The following GPRC5B variants were observed in gnomAD, a reference collection of about 807,000 sequenced individuals.
GPRC5B encodes the protein G protein-coupled receptor family C group 5 member B.
A neutral mutation model predicts 30.1 loss-of-function variants in GPRC5B; 16 were observed. The ratio of observed to expected loss-of-function variants is 0.53; its 90% CI spans 0.36 to 0.81. GPRC5B has a LOEUF of 0.81. GPRC5B is among the 30% of genes least tolerant of loss of function. The probability of loss-of-function intolerance (pLI) is 0.01; values close to 1 mark genes in which losing one functional copy is unlikely to be tolerated. For synonymous variants in GPRC5B, 241 were observed against 239.5 expected, an observed-to-expected ratio of 1.01 and a Z score of -0.06; for missense variants, 428 against 544.7, an observed-to-expected ratio of 0.79 and a Z score of 2.13.
chr16:19,861,342 T>C (rs879415506), intron 3 of GPRC5B, among the ~76,000 whole-genome samples: 1 of 152,210 alleles, frequency 6.6e-6, no homozygotes, highest in South Asian at 2.1e-4. Context: ...CATCAGATAG[T>C]AGTAAACCTG....
chr16:19,873,864 T>C (rs1018039670), intron 1 of GPRC5B, among the ~76,000 whole-genome samples: 2 of 152,066 alleles, frequency 1.3e-5, no homozygotes, highest in Admixed American at 6.5e-5. Context: ...CTACAGCCTC[T>C]GATTCCCCAG....
At chr16:19,881,243 T>C (rs72771023) in intron 1 of GPRC5B, among the ~76,000 whole-genome samples, 16,074 of 152,134 alleles carry the variant, frequency 0.11, 986 homozygotes, top group Non-Finnish European at 0.14. Flanking sequence ...GGGATAATGA[T>C]AGCGCTGCCT....
intron 2 of GPRC5B, among the ~76,000 whole-genome samples, chr16:19,871,516 G>A (rs957130677): frequency 1.3e-5 from 2 of 152,146 alleles, no homozygotes; most frequent in Non-Finnish European, 2.9e-5. Flanking sequence ...CAGCTACTTG[G>A]GAGGCTGAGA....
chr16:19,874,277 G>C (rs552677243), intron 1 of GPRC5B, among the ~76,000 whole-genome samples: 136 of 152,172 alleles, frequency 8.9e-4, no homozygotes, highest in African/African-American at 3.1e-3. Context: ...CCTAACCCAA[G>C]TCTCCTCTTG....
intron 2 of GPRC5B, among the ~76,000 whole-genome samples, chr16:19,869,523 T>G (rs895756099): frequency 8.6e-5 from 13 of 151,946 alleles, no homozygotes; most frequent in Non-Finnish European, 1.8e-4. Flanking sequence ...CTTCAAGTAA[T>G]GATTCTACGA....
rs2056837870 is a variant in GPRC5B at position 19,884,774 on chromosome 16, C to G, written c.-49G>C. 4.1e-6 allele frequency: 4 copies of G among 984,754 alleles called. No individual in the cohort carries two copies. Among genetic ancestry groups the G allele is most frequent in the Non-Finnish European group, 4.8e-6 (4 of 829,666 alleles). 61.0% of individuals were successfully genotyped at this position (984,754 alleles called of 1,614,324 possible). ...CCGACGCTCCAGCTGGCCTTCGGCC[C>G]GAGTCACATCTCTGCGGCGCGGCCG... On this transcript the variant is annotated 5_prime_UTR_variant, in exon 1 of 4. Transcript: ENST00000300571.
chr16:19,871,706 T>A, intron 2 of GPRC5B, 110 bp downstream of exon 2: 3 of 955,638 alleles, frequency 3.1e-6, no homozygotes, highest in Non-Finnish European at 4.9e-6. Flanking sequence ...TCTGATCTGC[T>A]AGGACTGCCC....
intron 3 of GPRC5B, 71 bp from the exon 4 acceptor site, chr16:19,860,615 G>A (rs898367726): frequency 1.9e-5 from 18 of 956,598 alleles, no homozygotes; most frequent in Middle Eastern, 2.1e-4. Flanking sequence ...AAACCGATGC[G>A]TAAACAACGC....
At chr16:19,863,010 C>T (rs2056639399) in intron 2 of GPRC5B, among the ~76,000 whole-genome samples, 1 of 152,160 alleles carries the variant, frequency 6.6e-6, no homozygotes, top group Admixed American at 6.5e-5. Context: ...TTACTTGGGG[C>T]AGGGACCAAA....
intron 1 of GPRC5B, among the ~76,000 whole-genome samples, chr16:19,878,228 A>AAAC (rs1567211735): frequency 0.12 from 16,295 of 131,426 alleles, 1,081 homozygotes; most frequent in Middle Eastern, 0.16. Context: ...AACAAACAAA[A>AAAC]AAACCCAAAG....
chr16:19,870,886 GGA>G (rs2056711905), intron 2 of GPRC5B, among the ~76,000 whole-genome samples: 1 of 152,164 alleles, frequency 6.6e-6, no homozygotes, highest in Admixed American at 6.5e-5. Flanking sequence ...GCAGCCTGGT[GGA>G]AATGTTGGTC....
At position 19,875,904 on chromosome 16, in the gene GPRC5B, G is replaced by A. The variant is rs151226825; in HGVS notation, c.-1-3058C>T. 4.1e-3 allele frequency among the ~76,000 whole-genome samples: 632 copies of A among 152,310 alleles called. 1 individual carries two copies. The highest frequency in any genetic ancestry group is 0.014 in the African/African-American group (595 of 41,570). On this transcript the variant is annotated intron_variant, in intron 1 of 3. Transcript: ENST00000300571. ...TCATCCTAGCACAATTGCTTGTCAC[G>A]AGGTACTAAAGCACACGAGGGATCA... is the stretch of plus-strand genomic sequence containing the variant.
intron 2 of GPRC5B, among the ~76,000 whole-genome samples, chr16:19,866,109 A>G (rs1225882162): frequency 1.3e-5 from 2 of 151,416 alleles, no homozygotes; most frequent in Admixed American, 6.6e-5. Context: ...TTGTACTTCT[A>G]GTAGAGACGG....
rs1330597872 is a variant in GPRC5B, at chr16:19,858,956, G to C, written c.*1544C>G. 1 of 175,430 alleles carries C rather than the reference G, an allele frequency of 5.7e-6. No individual in the cohort carries two copies. Among genetic ancestry groups the C allele is most frequent in the East Asian group, 1.5e-4 (1 of 6,804 alleles). The allele number at this position is 175,430 out of a possible 1,614,324, so 10.9% of individuals were successfully genotyped here. A position where few individuals can be genotyped will look rare whatever the true frequency, so the allele number is the denominator to read the frequency against. ...AAGGATGGGGTGGGGAGGGGAGACAGCAGAGACTAGGGCCTTGAGAAATAT... is the reference window on the plus strand; with the variant it reads ...AAGGATGGGGTGGGGAGGGGAGACACCAGAGACTAGGGCCTTGAGAAATAT... On this transcript the variant is annotated 3_prime_UTR_variant, in exon 4 of 4. Coordinates refer to ENST00000300571, the MANE Select transcript of GPRC5B (RefSeq NM_016235.3).
intron 2 of GPRC5B, among the ~76,000 whole-genome samples, chr16:19,868,339 C>T (rs2056683520): frequency 3.9e-5 from 6 of 151,912 alleles, no homozygotes; most frequent in Admixed American, 2.6e-4. Flanking sequence ...TGCCATTGCA[C>T]TCCAGCCTGG....
chr16:19,861,692 T>A, intron 3 of GPRC5B, 145 bp downstream of exon 3: 1 of 646,816 alleles, frequency 1.5e-6, no homozygotes, highest in Non-Finnish European at 2.8e-6. Flanking sequence ...AGAAGAAAAA[T>A]AAAAGCATTG....
intron 2 of GPRC5B, chr16:19,862,252 G>A (rs906228567): frequency 4.8e-5 from 19 of 393,224 alleles, no homozygotes; most frequent in African/African-American, 8.2e-5. Flanking sequence ...TCCAAGCCAC[G>A]CAGCCTCTGC....
Position 19,864,594 on chromosome 16 carries a change from G to A in GPRC5B, c.1031-2621C>T, listed in dbSNP as rs185123728. 3.3e-5 allele frequency among the ~76,000 whole-genome samples: 5 copies of A among 152,386 alleles called. No individual in the cohort carries two copies. The East Asian group carries it at 9.6e-4, about 29-fold the overall frequency. ...CTGGAGAATGCCCTTCCCACCGCATGAGCATGTCAAGGATGGACTCTCAAA... is the reference window on the plus strand; with the variant it reads ...CTGGAGAATGCCCTTCCCACCGCATAAGCATGTCAAGGATGGACTCTCAAA... On this transcript the variant is annotated intron_variant, in intron 2 of 3. Transcript: ENST00000300571.
intron 1 of GPRC5B, 114 bp downstream of exon 1, chr16:19,884,613 G>A (rs986983310): frequency 6.0e-5 from 46 of 767,094 alleles, no homozygotes; most frequent in Non-Finnish European, 6.8e-5. Context: ...TGGGTTGGGG[G>A]GGCGCTTAGA....
Sources: allele counts gnomAD v4.1 joint callset (sites outside exome capture counted in the v4.1 genomes callset), GRCh38; gene constraint gnomAD v4.1.1; transcripts MANE v1.5; gene names NCBI Gene and HGNC (gene_info 2026-07-23, HGNC 2026-07-21).